The following SLF1 variants were observed in gnomAD, a reference collection of about 807,000 sequenced individuals.
SLF1 encodes the protein SMC5-SMC6 complex localization factor protein 1.
Under a neutral mutation model 123.0 loss-of-function variants are expected in SLF1, and 105 were observed. The observed-to-expected ratio is 0.85, with a 90% CI of 0.73 to 1.00. SLF1 has a LOEUF of 1.00. Ranked by LOEUF, SLF1 falls within the 50% of genes least tolerant of loss-of-function variation. The pLI is 0.00. For synonymous variants in SLF1, 434 were observed against 406.6 expected (o/e 1.07, Z -0.81); for missense variants, 1,239 against 1,223.0 (o/e 1.01, Z -0.20).
At chr5:94,687,416 G>T (rs913771952) in intron 16 of SLF1, among the ~76,000 whole-genome samples, 1 of 152,186 alleles carries the variant, frequency 6.6e-6, no homozygotes, top group Non-Finnish European at 1.5e-5. Flanking sequence ...AAATTTTAAG[G>T]CCGAGCATGA....
chr5:94,636,734 T>G (rs1745838770), intron 4 of SLF1, among the ~76,000 whole-genome samples: 1 of 110,600 alleles, frequency 9.0e-6, no homozygotes, highest in African/African-American at 3.4e-5. Context: ...TTTTTTTTTT[T>G]TGAGATGGAA....
chr5:94,692,133 C>T lies in SLF1; in HGVS notation c.2572C>T (p.Gln858Ter). Reference protein sequence around the residue: ...ACNYGNTVCVQEILQRCPEVD... With the variant: ...ACNYGNTVCV ...TAACTATGGCAACACAGTGTGTGTC[C>T]AGGAAATTTTGCAACGTTGTCCAGA... The change falls in exon 20 of 21, where the codon CAG (glutamine) becomes TAG (stop). Residue 858 changes from glutamine to a stop codon, truncating the protein, a stop_gained. Coordinates refer to ENST00000265140, the MANE Select transcript of SLF1 (RefSeq NM_032290.4). LOFTEE classifies it high-confidence loss of function. 6.2e-7 allele frequency: 1 copy of T among 1,613,864 alleles called. No homozygotes were observed. The highest frequency in any genetic ancestry group is 1.1e-5 in the South Asian group (1 of 91,068).
chr5:94,619,609 A>T (rs1278491785), intron 1 of SLF1, among the ~76,000 whole-genome samples: 1 of 141,084 alleles, frequency 7.1e-6, no homozygotes, highest in Non-Finnish European at 1.6e-5. Context: ...TTATTAAAAA[A>T]TTTTGTTGTT....
intron 9 of SLF1, among the ~76,000 whole-genome samples, chr5:94,657,748 T>C (rs1436144519): frequency 1.3e-5 from 2 of 152,102 alleles, no homozygotes; most frequent in African/African-American, 4.8e-5. Flanking sequence ...CATAGATATT[T>C]AGAATTGTTA....
chr5:94,662,337 GT>G lies in SLF1; in HGVS notation c.1196del (p.Val399GlyfsTer4). ...CTGCATTAGAATAGATAAACAACCA[GT>G]GTACAACGTAGAGGTAAGGGGCTTG... ...YNCIRIDKQP[V>X]YNVEVKNAEF... On this transcript the variant is annotated frameshift_variant, in exon 10 of 21. Coordinates refer to ENST00000265140, the MANE Select transcript of SLF1 (RefSeq NM_032290.4). LOFTEE classifies it high-confidence loss of function. The G allele has an allele frequency of 6.5e-7, 1 of 1,549,652 alleles. No individual in the cohort carries two copies. The highest frequency in any genetic ancestry group is 8.7e-7 in the Non-Finnish European group (1 of 1,145,908).
At chr5:94,676,579 C>T (rs931169223) in intron 14 of SLF1, among the ~76,000 whole-genome samples, 16 of 152,348 alleles carry the variant, frequency 1.1e-4, no homozygotes, top group South Asian at 2.1e-4. Flanking sequence ...CGAAGAAGTA[C>T]ACCACTTTCT....
At chr5:94,666,953 CTTTTTTTTTTTTTTT>C (rs34215806) in intron 12 of SLF1, among the ~76,000 whole-genome samples, 1 of 104,610 alleles carries the variant, frequency 9.6e-6, no homozygotes, top group South Asian at 3.6e-4. Flanking sequence ...CTGGGAAGAT[CTTTTTTTTTTTTTTT>C]TTTTTTTTAA....
At chr5:94,676,556 C>T (rs1355202741) in intron 14 of SLF1, among the ~76,000 whole-genome samples, 4 of 152,306 alleles carry the variant, frequency 2.6e-5, no homozygotes, top group South Asian at 4.1e-4. Flanking sequence ...CTGTCTTGGT[C>T]GCTGATCATG....
At position 94,694,879 on chromosome 5, in the gene SLF1, A is replaced by C; in HGVS notation, c.2744A>C (p.Asp915Ala). 6.2e-7 allele frequency: 1 copy of C among 1,607,184 alleles called. No individual in the cohort carries two copies. Among genetic ancestry groups the C allele is most frequent in the Non-Finnish European group, 8.5e-7 (1 of 1,177,410 alleles). The change falls in exon 21 of 21, where the codon GAT becomes GCT. Residue 915 changes from aspartate (D) to alanine (A), a missense_variant. By Grantham distance (126) the Asp-to-Ala change is moderately radical. Transcript: ENST00000265140. Reference protein sequence around the residue: ...QRNAKGELPLDYVVSPQIKEE... With the variant: ...QRNAKGELPLAYVVSPQIKEE... ...AATGCTAAGGGAGAATTGCCCTTGG[A>C]TTATGTGGTTTCACCTCAAATCAAA...
intron 15 of SLF1, among the ~76,000 whole-genome samples, chr5:94,683,882 A>G (rs1487307020): frequency 6.6e-6 from 1 of 152,218 alleles, no homozygotes; most frequent in Admixed American, 6.5e-5. Flanking sequence ...CAAATACTAA[A>G]TGTTTACTCT....
chr5:94,639,037 C>CTTTTTTTTTTTTTTTTTTTTTTTT (rs764031689), intron 4 of SLF1, among the ~76,000 whole-genome samples: 1 of 88,970 alleles, frequency 1.1e-5, no homozygotes, highest in Non-Finnish European at 2.1e-5. Flanking sequence ...CTTTTCTTCC[C>CTTTTTTTTTTTTTTTTTTTTTTTT]TTTTTTTTTT....
At chr5:94,663,717 T>C in intron 10 of SLF1, 33 bp from the exon 11 acceptor site, 2 of 1,445,372 alleles carry the variant, frequency 1.4e-6, no homozygotes, top group Non-Finnish European at 1.8e-6. Flanking sequence ...TTATCTTTCT[T>C]TTCTCTGAAT....
At chr5:94,643,857 C>A (rs1746715529) in intron 5 of SLF1, among the ~76,000 whole-genome samples, 1 of 151,930 alleles carries the variant, frequency 6.6e-6, no homozygotes, top group East Asian at 1.9e-4. Context: ...GGCATCAAAC[C>A]CTAGAAGAAA....
intron 14 of SLF1, chr5:94,678,582 A>G: frequency 2.8e-6 from 1 of 353,066 alleles, no homozygotes. Context: ...GTTAAGTTGT[A>G]GGTCCTTGGA....
At position 94,628,906 on chromosome 5, in the gene SLF1, C is replaced by T. The variant is rs953064595; in HGVS notation, c.96C>T (p.Cys32=). The change falls in exon 2 of 21, where the codon TGC becomes TGT. Residue 32 remains cysteine (C), a synonymous_variant. Transcript: ENST00000265140. ...ALVKLLLKLD[C]TFIKSEKYKN... ...TCAAATTACTTTTAAAACTAGATTG[C>T]ACTTTTATTAAGAGTGAGGTAAGAA... The T allele has an allele frequency of 7.6e-5, 118 of 1,544,990 alleles. No individual in the cohort carries two copies. The highest frequency in any genetic ancestry group is 9.8e-5 in the Non-Finnish European group (112 of 1,143,948).
intron 1 of SLF1, among the ~76,000 whole-genome samples, chr5:94,627,592 A>ATGTATATATATATATATATATG (rs202084095): frequency 1.8e-5 from 2 of 113,976 alleles, no homozygotes; most frequent in Admixed American, 1.7e-4. Context: ...TAACATATAT[A>ATGTATATATATATATATATATG]TATATATATA....
intron 15 of SLF1, among the ~76,000 whole-genome samples, chr5:94,679,600 A>C (rs1751526212): frequency 6.6e-6 from 1 of 152,126 alleles, no homozygotes; most frequent in Non-Finnish European, 1.5e-5. Flanking sequence ...TCTTTAAAAA[A>C]AAAAACAAAC....
chr5:94,648,264 AAG>A (rs1356967755), intron 5 of SLF1, among the ~76,000 whole-genome samples: 3 of 152,216 alleles, frequency 2.0e-5, no homozygotes, highest in Non-Finnish European at 2.9e-5. Flanking sequence ...GTTGCTGAAA[AAG>A]AAATTCAATC....
rs1434979352 is a variant in SLF1, at chr5:94,628,398, A to G, written c.1-413A>G. ...GTGATCCGCCGGCCTCGGCCTCCCA[A>G]AGTGCTGGGATTACAGGCGTGAGCC... On this transcript the variant is annotated intron_variant, in intron 1 of 20. Coordinates refer to ENST00000265140, the MANE Select transcript of SLF1 (RefSeq NM_032290.4). Among the ~76,000 whole-genome samples the G allele has an allele frequency of 2.6e-5, 4 of 152,220 alleles. No individual in the cohort carries two copies. In the South Asian group the frequency reaches 6.2e-4, roughly 24 times the overall value.
Sources: gnomAD v4.1 joint callset for allele counts (sites outside exome capture counted in the v4.1 genomes callset) on GRCh38, gnomAD v4.1.1 for gene constraint, MANE v1.5 for transcripts, NCBI Gene and HGNC (gene_info 2026-07-23, HGNC 2026-07-21) for gene names.